The following MAMLD1 variants were observed in gnomAD, a reference collection of about 807,000 sequenced individuals.
MAMLD1 encodes the protein mastermind like domain containing 1, also known as mastermind-like domain-containing protein 1.
Under a neutral mutation model 45.0 loss-of-function variants are expected in MAMLD1, and 14 were observed. The ratio of observed to expected loss-of-function variants is 0.31; its 90% confidence interval spans 0.21 to 0.49. The LOEUF (loss-of-function observed/expected upper bound fraction) is 0.49, where lower values mean the gene tolerates loss of function less well. MAMLD1 is among the 20% of genes least tolerant of loss of function. The probability of loss-of-function intolerance (pLI) is 0.99; values close to 1 mark genes in which losing one functional copy is unlikely to be tolerated. For missense variants in MAMLD1, 543 were observed against 603.6 expected (o/e 0.90, Z 1.05); for synonymous variants, 254 against 247.8 (o/e 1.02, Z -0.24).
At position 150,513,535 on chromosome X, in the gene MAMLD1, C is replaced by T; in HGVS notation, c.*1576C>T. ...AAGTTGACAAATGCCAAATAGAAAACCACTTGGCCATTTATTTCTATGTTC... is the reference window on the plus strand; with the variant it reads ...AAGTTGACAAATGCCAAATAGAAAATCACTTGGCCATTTATTTCTATGTTC... On this transcript the variant is annotated 3_prime_UTR_variant, in exon 8 of 8. Transcript: ENST00000370401. The T allele has an allele frequency of 1.3e-5, 3 of 224,528 alleles. No homozygotes were observed. Among genetic ancestry groups the T allele is most frequent in the Non-Finnish European group, 2.4e-5 (3 of 126,530 alleles). The allele number at this position is 224,528 out of a possible 1,213,427, so 18.5% of individuals were successfully genotyped here.
At chrX:150,510,331 A>G (rs180706164) in intron 7 of MAMLD1, among the ~76,000 whole-genome samples, 4 of 111,989 alleles carry the variant, frequency 3.6e-5, no homozygotes, top group Admixed American at 9.4e-5. Flanking sequence ...CAACCCTAGG[A>G]TCTGGATTAG....
chrX:150,439,232 T>G lies in MAMLD1; in HGVS notation c.-63-6222T>G, dbSNP rs782549161. Among the ~76,000 whole-genome samples the G allele has an allele frequency of 3.6e-5, 4 of 112,209 alleles. No individual in the cohort carries two copies. In the South Asian group the frequency reaches 1.5e-3, roughly 42 times the overall value. On this transcript the variant is annotated intron_variant, in intron 1 of 7. Transcript: ENST00000370401. Reference sequence around the variant, plus strand: ...CATTTTAGGTGTTATGTGTATATTCTAGAGACTAGGTTTTAATTAGCCATA... The same window carrying G: ...CATTTTAGGTGTTATGTGTATATTCGAGAGACTAGGTTTTAATTAGCCATA...
intron 5 of MAMLD1, 30 bp downstream of exon 5, chrX:150,473,832 A>G (rs782445858): frequency 2.3e-5 from 27 of 1,196,636 alleles, no homozygotes; most frequent in Non-Finnish European, 2.9e-5. Context: ...TTTGTCTTCA[A>G]TTGGGTACAT....
chrX:150,494,871 T>TGA (rs1557408164), intron 5 of MAMLD1, among the ~76,000 whole-genome samples: 64 of 102,781 alleles, frequency 6.2e-4, no homozygotes, highest in African/African-American at 2.1e-3. Flanking sequence ...GTGACCAGAG[T>TGA]GATACCCTGC....
intron 1 of MAMLD1, among the ~76,000 whole-genome samples, chrX:150,421,697 T>C (rs2034521394): frequency 8.9e-6 from 1 of 112,419 alleles, no homozygotes; most frequent in Admixed American, 9.4e-5. Context: ...GTTTGTTTTC[T>C]GACACTTTCT....
intron 2 of MAMLD1, among the ~76,000 whole-genome samples, chrX:150,451,015 T>A (rs1209123842): frequency 1.8e-5 from 2 of 112,795 alleles, no homozygotes; most frequent in South Asian, 7.2e-4. Context: ...CACACAGACC[T>A]TTTTTTGCAA....
At chrX:150,414,887 C>T (rs1399607515) in intron 1 of MAMLD1, among the ~76,000 whole-genome samples, 1 of 111,536 alleles carries the variant, frequency 9.0e-6, no homozygotes, top group Admixed American at 9.5e-5. Flanking sequence ...TTTTGACAAC[C>T]CTTAAGCATG....
intron 4 of MAMLD1, among the ~76,000 whole-genome samples, 173 bp downstream of exon 4, chrX:150,471,663 A>G (rs1265839962): frequency 1.8e-5 from 2 of 112,149 alleles, no homozygotes; most frequent in African/African-American, 6.5e-5. Flanking sequence ...TTAAAAGCAC[A>G]GTGTTAATAA....
intron 4 of MAMLD1, 123 bp downstream of exon 4, chrX:150,471,613 ACT>A: frequency 5.6e-6 from 6 of 1,079,197 alleles, no homozygotes; most frequent in Non-Finnish European, 6.3e-6. Flanking sequence ...ACTGGAAAAG[ACT>A]CTGAAAAAGT....
At chrX:150,422,134 C>G (rs1384832099) in intron 1 of MAMLD1, among the ~76,000 whole-genome samples, 1 of 112,499 alleles carries the variant, frequency 8.9e-6, no homozygotes, top group Non-Finnish European at 1.9e-5. Context: ...GTTGAAACCT[C>G]AGTGATGTCG....
chrX:150,488,827 C>G (rs1304306451), intron 5 of MAMLD1, among the ~76,000 whole-genome samples: 1 of 113,015 alleles, frequency 8.8e-6, no homozygotes, highest in Non-Finnish European at 1.9e-5. Flanking sequence ...TGCTGGGTCG[C>G]AAGCCCTTCA....
intron 1 of MAMLD1, among the ~76,000 whole-genome samples, chrX:150,367,464 G>C (rs189084355): frequency 2.7e-5 from 3 of 112,295 alleles, no homozygotes; most frequent in Non-Finnish European, 5.6e-5. Flanking sequence ...ACTATTTGGG[G>C]TTATGAAAGG....
At chrX:150,416,049 G>A (rs1557403032) in intron 1 of MAMLD1, among the ~76,000 whole-genome samples, 3 of 111,918 alleles carry the variant, frequency 2.7e-5, no homozygotes, top group South Asian at 3.7e-4. Context: ...GATGTTGGTC[G>A]TTTTCCTGGA....
intron 1 of MAMLD1, among the ~76,000 whole-genome samples, chrX:150,398,062 G>A (rs187791202): frequency 1.8e-5 from 2 of 108,241 alleles, no homozygotes; most frequent in East Asian, 2.9e-4. Flanking sequence ...TTATCACCCC[G>A]TGCTTGCTCA....
intron 1 of MAMLD1, among the ~76,000 whole-genome samples, chrX:150,390,588 C>T (rs1557402146): frequency 8.9e-6 from 1 of 112,055 alleles, no homozygotes; most frequent in African/African-American, 3.2e-5. Context: ...CATTTAGGTC[C>T]TTCTACCCTT....
At chrX:150,364,432 G>C (rs1557400625) in intron 1 of MAMLD1, among the ~76,000 whole-genome samples, 1 of 113,049 alleles carries the variant, frequency 8.8e-6, no homozygotes, top group Admixed American at 9.2e-5. Context: ...TGAAGCCATC[G>C]GAACCTGTGC....
chrX:150,393,386 A>G (rs1557402207), intron 1 of MAMLD1, among the ~76,000 whole-genome samples: 1 of 112,520 alleles, frequency 8.9e-6, no homozygotes, highest in African/African-American at 3.2e-5. Flanking sequence ...TGGCAATTAT[A>G]AATAAAGCTA....
intron 2 of MAMLD1, among the ~76,000 whole-genome samples, chrX:150,461,793 T>C (rs73246852): frequency 0.14 from 15,598 of 111,671 alleles, 957 homozygotes; most frequent in African/African-American, 0.2. Context: ...GGACGATCCA[T>C]GTTACCATCT....
chrX:150,425,150 C>T (rs950868275), intron 1 of MAMLD1, among the ~76,000 whole-genome samples: 22 of 111,893 alleles, frequency 2.0e-4, no homozygotes, highest in African/African-American at 5.9e-4. Context: ...TGATGATAGA[C>T]ATTTGGGTTG....
Sources: gnomAD v4.1 joint callset for allele counts (sites outside exome capture counted in the v4.1 genomes callset) on GRCh38, gnomAD v4.1.1 for gene constraint, MANE v1.5 for transcripts, NCBI Gene and HGNC (gene_info 2026-07-23, HGNC 2026-07-21) for gene names.